The following SLC15A4 variants were observed in gnomAD, a reference collection of about 807,000 sequenced individuals.
SLC15A4 encodes hPHT1.
In SLC15A4, 26 loss-of-function variants were observed where a neutral mutation model predicts 46.1. The ratio of observed to expected loss-of-function variants is 0.56; its 90% CI spans 0.41 to 0.78. The LOEUF is 0.78. SLC15A4 is among the 30% of genes least tolerant of loss of function. SLC15A4 has a pLI of 0.00. For missense variants in SLC15A4, 751 were observed against 755.7 expected, an observed-to-expected ratio of 0.99 and a Z score of 0.07; for synonymous variants, 370 against 333.4, an observed-to-expected ratio of 1.11 and a Z score of -1.20.
At position 128,815,634 on chromosome 12, in the gene SLC15A4, C is replaced by T. The variant is rs184622764; in HGVS notation, c.547-564G>A. The T allele has an allele frequency of 3.5e-3, 545 of 156,896 alleles. 1 individual carries two copies. The highest frequency in any genetic ancestry group is 6.6e-3 in the Middle Eastern group (2 of 304). The allele number at this position is 156,896 out of a possible 1,614,324, so 9.7% of individuals were successfully genotyped here. On this transcript the variant is annotated intron_variant, in intron 1 of 7. Transcript: ENST00000266771. ...CCAGGACATGGAGGTTGCAGTGAAC[C>T]GAGACTGTGCCACTGTACCTGGTTG...
intron 1 of SLC15A4, chr12:128,815,833 A>G (rs1955744124): frequency 6.6e-6 from 1 of 152,324 alleles, no homozygotes; most frequent in African/African-American, 2.4e-5. Flanking sequence ...AACCAATGTT[A>G]TAAAGCTCCA....
chr12:128,823,363 C>G (rs1456801884), intron 1 of SLC15A4, 35 bp downstream of exon 1: 1 of 1,363,402 alleles, frequency 7.3e-7, no homozygotes, highest in East Asian at 3.1e-5. Context: ...AGGGGCTGGA[C>G]AGGGACAGGG....
chr12:128,806,740 T>C (rs1955593887), intron 5 of SLC15A4, among the ~76,000 whole-genome samples: 1 of 152,108 alleles, frequency 6.6e-6, no homozygotes, highest in African/African-American at 2.4e-5. Context: ...TCCACTTCCA[T>C]GTCACCAATT....
At chr12:128,810,364 C>T (rs1955641255) in intron 2 of SLC15A4, 5 of 433,204 alleles carry the variant, frequency 1.2e-5, no homozygotes, top group South Asian at 9.2e-5. Flanking sequence ...TTTGGCGTGG[C>T]TGGAAGATCT....
chr12:128,823,230 C>T (rs1387129406), intron 1 of SLC15A4, among the ~76,000 whole-genome samples, 168 bp downstream of exon 1: 1 of 152,268 alleles, frequency 6.6e-6, no homozygotes, highest in Non-Finnish European at 1.5e-5. Context: ...CACACCGGTA[C>T]CTCCAGTCTT....
chr12:128,817,681 C>T (rs1955777299), intron 1 of SLC15A4, among the ~76,000 whole-genome samples: 1 of 152,232 alleles, frequency 6.6e-6, no homozygotes, highest in Non-Finnish European at 1.5e-5. Flanking sequence ...AAATGCCATT[C>T]ATCCTCATTT....
chr12:128,812,568 G>T (rs1234609224), intron 2 of SLC15A4, among the ~76,000 whole-genome samples: 1 of 151,942 alleles, frequency 6.6e-6, no homozygotes, highest in Admixed American at 6.6e-5. Flanking sequence ...CGCCCGCCTC[G>T]GCCTCCCAAA....
intron 1 of SLC15A4, among the ~76,000 whole-genome samples, chr12:128,821,721 A>G (rs1195189760): frequency 6.6e-6 from 1 of 151,884 alleles, no homozygotes; most frequent in African/African-American, 2.4e-5. Flanking sequence ...CCCCGTCTCT[A>G]CTAGAAATAC....
At chr12:128,794,616 C>A (rs1955424541) in intron 7 of SLC15A4, among the ~76,000 whole-genome samples, 1 of 152,324 alleles carries the variant, frequency 6.6e-6, no homozygotes, top group East Asian at 1.9e-4. Flanking sequence ...GCAGCCCATC[C>A]CTCTCTTCTG....
Position 128,823,844 on chromosome 12 carries a change from G to A in SLC15A4, c.100C>T (p.Arg34Cys). The change falls in exon 1 of 8, where the codon CGC becomes TGC. Residue 34 changes from arginine to cysteine, a missense_variant. Coordinates refer to ENST00000266771, the MANE Select transcript of SLC15A4 (RefSeq NM_145648.4). Reference protein sequence around the residue: ...AAAAGAFAGRRAACGAVLLTE... With the variant: ...AAAAGAFAGRCAACGAVLLTE... ...AGCAGCACGGCCCCGCACGCCGCGCGCCGGCCCGCGAACGCCCCAGCCGCC... is the reference window on the plus strand; with the variant it reads ...AGCAGCACGGCCCCGCACGCCGCGCACCGGCCCGCGAACGCCCCAGCCGCC... 2 of 1,301,768 alleles carry A rather than the reference G, an allele frequency of 1.5e-6. No individual in the cohort carries two copies. Among genetic ancestry groups the A allele is most frequent in the South Asian group, 1.9e-5 (1 of 53,484 alleles). 80.6% of individuals were successfully genotyped at this position (1,301,768 alleles called of 1,614,324 possible).
In SLC15A4 at chr12:128,819,132, G is replaced by A. The variant is rs575622163; in HGVS notation, c.547-4062C>T. Among the ~76,000 whole-genome samples the A allele has an allele frequency of 3.0e-4, 45 of 152,236 alleles. No homozygotes were observed. In the South Asian group the frequency reaches 5.2e-3, roughly 18 times the overall value. On this transcript the variant is annotated intron_variant, in intron 1 of 7. Transcript: ENST00000266771. ...TACATAAAAAATACTGGCCGAGCGC[G>A]GTGGCTCACGCCTGTAATCCCAGAA...
intron 2 of SLC15A4, chr12:128,814,137 G>C (rs1404847645): frequency 6.2e-6 from 1 of 161,168 alleles, no homozygotes; most frequent in Non-Finnish European, 1.4e-5. Context: ...GTTACCCTCA[G>C]TGCATCTCGC....
chr12:128,806,846 C>G (rs572260838), intron 5 of SLC15A4, among the ~76,000 whole-genome samples: 112 of 150,954 alleles, frequency 7.4e-4, no homozygotes, highest in African/African-American at 2.6e-3. Flanking sequence ...TGTGCAGAGG[C>G]TGCCTGACTC....
intron 2 of SLC15A4, chr12:128,813,380 G>A (rs1382692577): frequency 1.3e-5 from 2 of 152,124 alleles, no homozygotes; most frequent in African/African-American, 4.8e-5. Flanking sequence ...TTATGTGTCT[G>A]AATGCCACAA....
chr12:128,797,330 G>A (rs1955457927), intron 7 of SLC15A4, among the ~76,000 whole-genome samples: 1 of 152,120 alleles, frequency 6.6e-6, no homozygotes, highest in Non-Finnish European at 1.5e-5. Context: ...CCACAGCCCA[G>A]CACAGGACAG....
rs760745099 is a variant in SLC15A4, at chr12:128,800,966, G to A, written c.1302C>T (p.Thr434=). 2.5e-6 allele frequency: 4 copies of A among 1,613,798 alleles called. No individual in the cohort carries two copies. Among genetic ancestry groups the A allele is most frequent in the Non-Finnish European group, 3.4e-6 (4 of 1,179,910 alleles). The change falls in exon 6 of 8, where the codon ACC becomes ACT. Residue 434 remains threonine, a synonymous_variant. Coordinates refer to ENST00000266771, the MANE Select transcript of SLC15A4 (RefSeq NM_145648.4). ...CGACGTTGCCGATGGTCTGATTAAT[G>A]GTTTTCTCTTTAACAAGGTTCAGCC... ...SKRLNLVKEK[T]INQTIGNVVY... is the part of the protein sequence containing the mutation.
At chr12:128,823,349 G>A in intron 1 of SLC15A4, 49 bp downstream of exon 1, 1 of 1,346,782 alleles carries the variant, frequency 7.4e-7, no homozygotes, top group Non-Finnish European at 9.5e-7. Flanking sequence ...GGCTGGGGCT[G>A]GGCAGGGGCT....
At chr12:128,812,131 A>G (rs1052298958) in intron 2 of SLC15A4, among the ~76,000 whole-genome samples, 14 of 152,042 alleles carry the variant, frequency 9.2e-5, no homozygotes, top group Admixed American at 5.9e-4. Flanking sequence ...AACCATTTCT[A>G]CTCTGGTCTG....
rs1160800854 is a variant in SLC15A4, at chr12:128,794,238, C to G, written c.1692G>C (p.Gln564His). 1.9e-6 allele frequency: 3 copies of G among 1,613,818 alleles called. No homozygotes were observed. In the African/African-American group the frequency reaches 4.0e-5, roughly 22 times the overall value. Residue 564 changes from glutamine (Q) to histidine (H), a missense_variant, in exon 8 of 8, where the codon CAG becomes CAC. Physicochemically the swap from Gln to His is conservative, Grantham distance 24 (BLOSUM62 0). Coordinates refer to ENST00000266771, the MANE Select transcript of SLC15A4 (RefSeq NM_145648.4). ...TGGGCACGCCATTGGCTCTTGATCG[C>G]TGATGGTCTCGATGATGGTCATATT... ...SVKYDHHRDH[Q>H]RSRANGVPTS...
Sources: allele counts gnomAD v4.1 joint callset (sites outside exome capture counted in the v4.1 genomes callset), GRCh38; gene constraint gnomAD v4.1.1; transcripts MANE v1.5; gene names NCBI Gene and HGNC (gene_info 2026-07-23, HGNC 2026-07-21).